Variants in CTNNAL1 observed in about 807,000 individuals in gnomAD.
CTNNAL1 encodes the protein catenin alpha like 1, also known as alpha-catulin.
Under a neutral mutation model 93.6 loss-of-function variants are expected in CTNNAL1, and 69 were observed. The ratio of observed to expected loss-of-function variants is 0.74; its 90% confidence interval spans 0.61 to 0.90. The LOEUF is 0.90. CTNNAL1 is among the 40% of genes least tolerant of loss of function. The probability of loss-of-function intolerance (pLI) is 0.00; values close to 1 mark genes in which losing one functional copy is unlikely to be tolerated. For missense variants in CTNNAL1, 836 were observed against 862.0 expected (o/e 0.97, Z 0.38); for synonymous variants, 286 against 305.4 (o/e 0.94, Z 0.66).
chr9:108,944,862 AC>A lies in CTNNAL1; in HGVS notation c.1885-845del, dbSNP rs1409743141. 8.5e-5 allele frequency among the ~76,000 whole-genome samples: 13 copies of A among 152,302 alleles called. No homozygotes were observed. In the East Asian group the frequency reaches 2.5e-3, roughly 29 times the overall value. ...TTACCCTCTATTCAAAAGGCTTAACACCTTGCTATCACTGGATAAAATGATC... is the reference window on the plus strand; with the variant it reads ...TTACCCTCTATTCAAAAGGCTTAACACTTGCTATCACTGGATAAAATGATC... On this transcript the variant is annotated intron_variant, in intron 15 of 18. Coordinates refer to ENST00000325551, the MANE Select transcript of CTNNAL1 (RefSeq NM_003798.4).
chr9:108,956,482 A>G (rs1830691912), intron 11 of CTNNAL1, among the ~76,000 whole-genome samples: 1 of 152,200 alleles, frequency 6.6e-6, no homozygotes, highest in Admixed American at 6.5e-5. Context: ...ACTTTTTATA[A>G]ATGCTGGTTT....
intron 8 of CTNNAL1, 31 bp from the exon 9 acceptor site, chr9:108,972,864 G>GGTGCGCCCCC: frequency 7.0e-6 from 1 of 142,590 alleles, no homozygotes; most frequent in Non-Finnish European, 1.0e-5. Context: ...GGGGGGGTGG[G>GGTGCGCCCCC]AGGGTGGAGA....
At chr9:108,992,004 G>T (rs1256414444) in intron 3 of CTNNAL1, 1 of 742,994 alleles carries the variant, frequency 1.3e-6, no homozygotes, top group South Asian at 1.4e-5. Context: ...CAGAAATTTT[G>T]TAGTTGTGGA....
intron 9 of CTNNAL1, among the ~76,000 whole-genome samples, chr9:108,971,714 A>T (rs537124882): frequency 6.6e-5 from 10 of 152,252 alleles, no homozygotes; most frequent in Admixed American, 2.0e-4. Context: ...TAAATTACCC[A>T]GTCTTGGGTA....
At chr9:109,001,530 A>C (rs1383957510) in intron 1 of CTNNAL1, among the ~76,000 whole-genome samples, 1 of 152,258 alleles carries the variant, frequency 6.6e-6, no homozygotes, top group East Asian at 1.9e-4. Flanking sequence ...CATAGAACAC[A>C]TAGTGACTTT....
chr9:108,942,828 T>A lies in CTNNAL1; in HGVS notation c.2146A>T (p.Met716Leu), dbSNP rs2132071610. The A allele has an allele frequency of 3.1e-6, 5 of 1,613,646 alleles. No individual in the cohort carries two copies. In the East Asian group the frequency reaches 1.1e-4, roughly 36 times the overall value. Reference protein sequence around the residue: ...LCYKLLKKLQMENNGWVSVTN... With the variant: ...LCYKLLKKLQLENNGWVSVTN... ...ACTGAGACCCATCCGTTATTTTCCA[T>A]CTGAAGCTGGAAAGAGTTAAGACAA... is the stretch of plus-strand genomic sequence containing the variant. The change falls in exon 19 of 19, where the codon ATG becomes TTG. Residue 716 changes from methionine to leucine, a missense_variant. By Grantham distance (15) the Met-to-Leu change is conservative. Transcript: ENST00000325551.
Position 108,992,716 on chromosome 9 carries a change from T to C in CTNNAL1, c.435A>G (p.Ala145=), listed in dbSNP as rs942557783. Residue 145 remains alanine, a synonymous_variant, in exon 3 of 19, where the codon GCA becomes GCG. Coordinates refer to ENST00000325551, the MANE Select transcript of CTNNAL1 (RefSeq NM_003798.4). ...FTDKTGVIKA[A]RLLLSSVTKV... ...TTGTCACTGAAGAAAGAAGTAATCT[T>C]GCAGCCTTTATCACTCCTGTTTTGT... The C allele has an allele frequency of 3.1e-6, 5 of 1,613,948 alleles. No homozygotes were observed. Among genetic ancestry groups the C allele is most frequent in the Non-Finnish European group, 4.2e-6 (5 of 1,179,974 alleles).
chr9:108,956,733 T>A (rs985308442), intron 11 of CTNNAL1, among the ~76,000 whole-genome samples: 5 of 152,148 alleles, frequency 3.3e-5, no homozygotes, highest in Admixed American at 2.6e-4. Flanking sequence ...GGCAAACCTG[T>A]TTGTCTCAGA....
At chr9:108,964,953 C>G (rs1830915427) in intron 11 of CTNNAL1, among the ~76,000 whole-genome samples, 1 of 152,096 alleles carries the variant, frequency 6.6e-6, no homozygotes, top group Non-Finnish European at 1.5e-5. Flanking sequence ...ACCTCCGCCT[C>G]CCGGGTTCAA....
At chr9:108,990,331 A>G (rs150426778) in intron 4 of CTNNAL1, among the ~76,000 whole-genome samples, 193 of 152,344 alleles carry the variant, frequency 1.3e-3, no homozygotes, top group African/African-American at 4.4e-3. Flanking sequence ...TTAATCTAAT[A>G]CGGTAAGAAT....
At chr9:108,990,161 G>A (rs1831745541) in intron 4 of CTNNAL1, among the ~76,000 whole-genome samples, 1 of 152,262 alleles carries the variant, frequency 6.6e-6, no homozygotes, top group African/African-American at 2.4e-5. Flanking sequence ...CAGTGACCTT[G>A]GGAAAGTTTA....
intron 1 of CTNNAL1, among the ~76,000 whole-genome samples, chr9:109,001,607 T>G (rs926700073): frequency 6.6e-6 from 1 of 152,150 alleles, no homozygotes; most frequent in Non-Finnish European, 1.5e-5. Context: ...TGCCACATAA[T>G]GGAAGGCACT....
intron 11 of CTNNAL1, 130 bp downstream of exon 11, chr9:108,965,248 A>G (rs550814919): frequency 2.4e-4 from 172 of 707,106 alleles, no homozygotes; most frequent in Middle Eastern, 2.2e-3. Flanking sequence ...TTTGTGAACA[A>G]TATTTTACTA....
At chr9:109,005,464 G>T (rs912947966) in intron 1 of CTNNAL1, among the ~76,000 whole-genome samples, 5 of 152,112 alleles carry the variant, frequency 3.3e-5, no homozygotes, top group African/African-American at 1.2e-4. Context: ...TTTGGGAGAC[G>T]ATTAGTTCAT....
intron 4 of CTNNAL1, among the ~76,000 whole-genome samples, chr9:108,989,544 A>C (rs1001411922): frequency 6.6e-6 from 1 of 152,198 alleles, no homozygotes; most frequent in Non-Finnish European, 1.5e-5. Flanking sequence ...TGCAATTGGG[A>C]AAGTTCATAT....
chr9:108,986,546 A>G (rs1187684331), intron 4 of CTNNAL1, among the ~76,000 whole-genome samples: 1 of 151,932 alleles, frequency 6.6e-6, no homozygotes, highest in Non-Finnish European at 1.5e-5. Context: ...TATACCCAGT[A>G]ATGGGATGGC....
intron 9 of CTNNAL1, among the ~76,000 whole-genome samples, chr9:108,971,814 A>G (rs1189253772): frequency 6.6e-6 from 1 of 152,224 alleles, no homozygotes; most frequent in Non-Finnish European, 1.5e-5. Flanking sequence ...GAAGGCTCAG[A>G]ATATCAATTA....
intron 11 of CTNNAL1, among the ~76,000 whole-genome samples, chr9:108,958,284 G>A (rs1830736716): frequency 6.6e-6 from 1 of 152,020 alleles, no homozygotes; most frequent in Non-Finnish European, 1.5e-5. Context: ...AACTGTTTCG[G>A]TATCTCTTAT....
chr9:109,013,193 G>C, intron 1 of CTNNAL1, 109 bp downstream of exon 1: 2 of 1,304,758 alleles, frequency 1.5e-6, no homozygotes, highest in South Asian at 3.5e-5. Flanking sequence ...CGCAGTGCCG[G>C]CGCGGAAAGT....
Sources: allele counts gnomAD v4.1 joint callset (sites outside exome capture counted in the v4.1 genomes callset), GRCh38; gene constraint gnomAD v4.1.1; transcripts MANE v1.5; gene names NCBI Gene and HGNC (gene_info 2026-07-23, HGNC 2026-07-21).